SLC9A1: variants seen among roughly 807,000 people sequenced by gnomAD.
SLC9A1 encodes the protein solute carrier family 9 member A1.
Under a neutral mutation model 67.9 loss-of-function variants are expected in SLC9A1, and 22 were observed. The ratio of observed to expected loss-of-function variants is 0.32; its 90% confidence interval spans 0.23 to 0.46. The LOEUF (loss-of-function observed/expected upper bound fraction) is 0.46, where lower values mean the gene tolerates loss of function less well. SLC9A1 is among the 20% of genes least tolerant of loss of function. The pLI, the probability that SLC9A1 is intolerant of heterozygous loss-of-function variation, is 1.00. For synonymous variants in SLC9A1, 421 were observed against 471.8 expected (o/e 0.89, Z 1.40); for missense variants, 686 against 1,094.8 (o/e 0.63, Z 5.27).
At position 27,102,371 on chromosome 1, in the gene SLC9A1, G is replaced by T. The variant is rs760434964; in HGVS notation, c.1820+14C>A. ...GTGTGGGAGCAGAAGCTGCCTGGTT[G>T]CCCCAGCACTCACTGCATGGAGACG... On this transcript the variant is annotated intron_variant, in intron 8 of 11. Transcript: ENST00000263980. The T allele has an allele frequency of 8.9e-6, 14 of 1,570,708 alleles. No individual in the cohort carries two copies. Among genetic ancestry groups the T allele is most frequent in the Non-Finnish European group, 1.2e-5 (14 of 1,153,588 alleles).
In SLC9A1 at chr1:27,154,014, G is replaced by C; in HGVS notation, c.321C>G (p.Leu107=). The C allele has an allele frequency of 6.3e-7, 1 of 1,586,308 alleles. No individual in the cohort carries two copies. ...TCATGAGGCAGGCCAGAAGGATCCA[G>C]AGGGAGATCTCGAAGGGGGTGCGCA... ...THVRTPFEIS[L]WILLACLMKI... The change falls in exon 1 of 12, where the codon CTC becomes CTG. Residue 107 remains leucine (L), a synonymous_variant. Transcript: ENST00000263980.
chr1:27,121,233 C>T (rs1235972867), intron 1 of SLC9A1, among the ~76,000 whole-genome samples: 1 of 152,114 alleles, frequency 6.6e-6, no homozygotes, highest in Non-Finnish European at 1.5e-5. Flanking sequence ...GAAAGGGTCT[C>T]ACCCTCTGGG....
intron 1 of SLC9A1, among the ~76,000 whole-genome samples, chr1:27,148,299 T>C (rs1204982070): frequency 6.6e-6 from 1 of 152,154 alleles, no homozygotes. Context: ...AATACAGGTA[T>C]GTTCAAGTTG....
In SLC9A1 at chr1:27,098,916, T is replaced by C. The variant is rs1410425447; in HGVS notation, c.*1391A>G. 1 of 152,678 alleles carries C rather than the reference T, an allele frequency of 6.5e-6. No individual in the cohort carries two copies. The highest frequency in any genetic ancestry group is 2.4e-5 in the African/African-American group (1 of 41,468). The allele number at this position is 152,678 out of a possible 1,614,324, so 9.5% of individuals were successfully genotyped here. ...CGGTGGCTTGGTACGTGGTTGTCGA[T>C]GTCACCCTTGCATGGTGACTCCTGC... is the stretch of plus-strand genomic sequence containing the variant. On this transcript the variant is annotated 3_prime_UTR_variant, in exon 12 of 12. Transcript: ENST00000263980.
At chr1:27,117,666 G>T (rs888846541) in intron 1 of SLC9A1, among the ~76,000 whole-genome samples, 1 of 152,146 alleles carries the variant, frequency 6.6e-6, no homozygotes, top group Non-Finnish European at 1.5e-5. Flanking sequence ...CTGGGAGCCT[G>T]GCACGCACCA....
chr1:27,153,472 T>A (rs2083544272), intron 1 of SLC9A1, among the ~76,000 whole-genome samples: 1 of 152,176 alleles, frequency 6.6e-6, no homozygotes, highest in Admixed American at 6.5e-5. Flanking sequence ...CCACCACACT[T>A]GTAAGTTTCC....
intron 1 of SLC9A1, among the ~76,000 whole-genome samples, chr1:27,120,904 T>C (rs2083300887): frequency 6.6e-6 from 1 of 152,060 alleles, no homozygotes; most frequent in Non-Finnish European, 1.5e-5. Flanking sequence ...AGAGGTAACT[T>C]GTCCAAGGCT....
Position 27,154,026 on chromosome 1 carries a change from G to T in SLC9A1, c.309C>A (p.Phe103Leu). 6.3e-7 allele frequency: 1 copy of T among 1,595,746 alleles called. No individual in the cohort carries two copies. Among genetic ancestry groups the T allele is most frequent in the Non-Finnish European group, 8.6e-7 (1 of 1,167,782 alleles). The part of the protein sequence containing the change: ...GIDYTHVRTP[F>L]EISLWILLAC... Reference sequence around the variant, plus strand: ...CCAGAAGGATCCAGAGGGAGATCTCGAAGGGGGTGCGCACGTGTGTGTAGT... The same window carrying T: ...CCAGAAGGATCCAGAGGGAGATCTCTAAGGGGGTGCGCACGTGTGTGTAGT... Residue 103 changes from phenylalanine to leucine, a missense_variant, in exon 1 of 12, where the codon TTC becomes TTA. Phe to Leu is a conservative substitution (Grantham distance 22). Transcript: ENST00000263980.
At chr1:27,145,240 C>G (rs950547210) in intron 1 of SLC9A1, among the ~76,000 whole-genome samples, 2 of 152,214 alleles carry the variant, frequency 1.3e-5, no homozygotes, top group Non-Finnish European at 2.9e-5. Context: ...CTAAACACCC[C>G]AGTCCTCAGG....
intron 1 of SLC9A1, among the ~76,000 whole-genome samples, chr1:27,135,088 C>G (rs1277087506): frequency 1.3e-5 from 2 of 151,232 alleles, no homozygotes; most frequent in Non-Finnish European, 2.9e-5. Flanking sequence ...GGGTCTTGCT[C>G]TGTCAGGCTG....
intron 1 of SLC9A1, among the ~76,000 whole-genome samples, chr1:27,130,338 G>A (rs972215391): frequency 2.6e-5 from 4 of 152,180 alleles, no homozygotes; most frequent in Non-Finnish European, 2.9e-5. Context: ...GCTTGACCTC[G>A]TGATCCGCCT....
chr1:27,103,906 A>G lies in SLC9A1; in HGVS notation c.1486-594T>C, dbSNP rs368247629. On this transcript the variant is annotated intron_variant, in intron 5 of 11. Transcript: ENST00000263980. ...AAGATCCCAGAGAAGCAGTAAAGCCATGATTTAAACCCAGGCAGGCTGGCT... is the reference window on the plus strand; with the variant it reads ...AAGATCCCAGAGAAGCAGTAAAGCCGTGATTTAAACCCAGGCAGGCTGGCT... 3.3e-4 allele frequency: 51 copies of G among 153,136 alleles called. No individual in the cohort carries two copies. In the South Asian group the frequency reaches 9.8e-3, roughly 29 times the overall value. 9.5% of individuals were successfully genotyped at this position (153,136 alleles called of 1,614,324 possible). A position where few individuals can be genotyped will look rare whatever the true frequency, so the allele number is the denominator to read the frequency against.
intron 1 of SLC9A1, among the ~76,000 whole-genome samples, chr1:27,134,324 T>C (rs2083405088): frequency 6.6e-6 from 1 of 152,154 alleles, no homozygotes; most frequent in African/African-American, 2.4e-5. Flanking sequence ...TGGGTTAACT[T>C]CTCCAAGCTT....
chr1:27,108,345 CG>C (rs1334712426), intron 3 of SLC9A1, among the ~76,000 whole-genome samples: 6 of 8,480 alleles, frequency 7.1e-4, no homozygotes, highest in East Asian at 4.5e-3. Flanking sequence ...GGATTACAGG[CG>C]ACGAGCGCAT....
intron 2 of SLC9A1, among the ~76,000 whole-genome samples, chr1:27,113,005 C>T (rs1193412762): frequency 6.6e-6 from 1 of 152,036 alleles, no homozygotes; most frequent in Non-Finnish European, 1.5e-5. Context: ...GGAGACAAGG[C>T]CCCTTTCCAT....
intron 1 of SLC9A1, among the ~76,000 whole-genome samples, chr1:27,143,638 G>A (rs562236100): frequency 5.2e-4 from 79 of 152,232 alleles, no homozygotes; most frequent in African/African-American, 1.7e-3. Context: ...TGGAATGACC[G>A]CCTTTCCCAC....
rs755302365 is a variant in SLC9A1, at chr1:27,113,940, G to A, written c.699C>T (p.Ile233=). 9 of 1,614,222 alleles carry A rather than the reference G, an allele frequency of 5.6e-6. No individual in the cohort carries two copies. The highest frequency in any genetic ancestry group is 7.6e-6 in the Non-Finnish European group (9 of 1,180,044). The change falls in exon 2 of 12, where the codon ATC becomes ATT. Residue 233 remains isoleucine, a synonymous_variant. Transcript: ENST00000263980. ...GLLDNLLFGS[I]ISAVDPVAVL... is the part of the protein sequence containing the mutation. ...CCGCCACGGGGTCCACGGCCGAGAT[G>A]ATGCTGCCGAAGAGCAGGTTGTCCA...
chr1:27,140,668 G>C (rs2083448044), intron 1 of SLC9A1, among the ~76,000 whole-genome samples: 1 of 152,142 alleles, frequency 6.6e-6, no homozygotes, highest in Admixed American at 6.5e-5. Flanking sequence ...ACTTATCATA[G>C]CTGGGACTAT....
intron 1 of SLC9A1, among the ~76,000 whole-genome samples, chr1:27,126,180 G>A (rs1222721685): frequency 3.3e-5 from 5 of 151,860 alleles, no homozygotes. Context: ...CTCTCTATCC[G>A]CTTACCCTTG....
Sources: gnomAD v4.1 joint callset for allele counts (sites outside exome capture counted in the v4.1 genomes callset) on GRCh38, gnomAD v4.1.1 for gene constraint, MANE v1.5 for transcripts, NCBI Gene and HGNC (gene_info 2026-07-23, HGNC 2026-07-21) for gene names.